The following KIF17 variants were observed in gnomAD, a reference collection of about 807,000 sequenced individuals.
The protein encoded by KIF17 is kinesin-like protein KIF17.
In KIF17, 80 loss-of-function variants were observed where a neutral mutation model predicts 96.8. The observed-to-expected ratio is 0.83, with a 90% CI of 0.69 to 1.00. KIF17 has a LOEUF of 1.00. KIF17 is among the 50% of genes least tolerant of loss of function. The probability of loss-of-function intolerance (pLI) is 0.00; values close to 1 mark genes in which losing one functional copy is unlikely to be tolerated. For missense variants in KIF17, 1,280 were observed against 1,372.9 expected, an observed-to-expected ratio of 0.93 and a Z score of 1.07; for synonymous variants, 567 against 587.5, an observed-to-expected ratio of 0.97 and a Z score of 0.51.
At chr1:20,675,513 A>G (rs1018835817) in intron 11 of KIF17, among the ~76,000 whole-genome samples, 1 of 152,016 alleles carries the variant, frequency 6.6e-6, no homozygotes, top group Non-Finnish European at 1.5e-5. Flanking sequence ...GCTCATTTGT[A>G]TTCCTTTGAT....
chr1:20,664,500 G>A lies in KIF17; in HGVS notation c.*84C>T, dbSNP rs1557577274. On this transcript the variant is annotated 3_prime_UTR_variant, in exon 15 of 15. Transcript: ENST00000400463. The stretch of plus-strand genomic sequence containing the variant: ...GGCCCCGGAGCGCTGTGTGGCAGGT[G>A]GGAGGAGACCTGGTTGGGGCTGCCC... 6 of 1,610,818 alleles carry A rather than the reference G, an allele frequency of 3.7e-6. No homozygotes were observed. Among genetic ancestry groups the A allele is most frequent in the Admixed American group, 3.3e-5 (2 of 59,920 alleles).
intron 13 of KIF17, among the ~76,000 whole-genome samples, chr1:20,669,236 T>C (rs2053591559): frequency 6.6e-6 from 1 of 152,002 alleles, no homozygotes; most frequent in South Asian, 2.1e-4. Context: ...TGGAAGAGTT[T>C]CGTTGAAAAC....
At chr1:20,712,851 ATATTATCTATATTATAGATAT>A (rs2054492780) in intron 3 of KIF17, among the ~76,000 whole-genome samples, 1 of 9,670 alleles carries the variant, frequency 1.0e-4, no homozygotes, top group South Asian at 3.5e-3. Flanking sequence ...GATATAGATA[ATATTATCTATATTATAGATAT>A]TATCTATATA....
chr1:20,672,180 A>T lies in KIF17; in HGVS notation c.2480T>A (p.Val827Glu), dbSNP rs769169857. 3 of 1,613,950 alleles carry T rather than the reference A, an allele frequency of 1.9e-6. No homozygotes were observed. Among genetic ancestry groups the T allele is most frequent in the Non-Finnish European group, 2.5e-6 (3 of 1,180,036 alleles). The change falls in exon 12 of 15, where the codon GTG becomes GAG. Residue 827 changes from valine to glutamate, a missense_variant. By Grantham distance (121) the Val-to-Glu change is moderately radical. Coordinates refer to ENST00000400463, the MANE Select transcript of KIF17 (RefSeq NM_001122819.3). The surrounding 1 kb of genome is among the most constrained non-coding windows in gnomAD (Gnocchi z 4.3). ...CTCGGACTGCAGATCTTTGATCTCC[A>T]CCTCTGCTGCCCGAAGCTGAAAGCA... ...KMQRKLRAAEVEIKDLQSEFQ... is the reference protein window; with the variant it reads ...KMQRKLRAAEEEIKDLQSEFQ...
rs2053486099 is a variant in KIF17 at position 20,664,344 on chromosome 1, G to A, written c.*240C>T. Reference sequence around the variant, plus strand: ...GTGAGCAGACGGAAACACTGATGTGGTATGAACAGCTGGAGCAGGCCTCTC... The same window carrying A: ...GTGAGCAGACGGAAACACTGATGTGATATGAACAGCTGGAGCAGGCCTCTC... On this transcript the variant is annotated 3_prime_UTR_variant, in exon 15 of 15. Coordinates refer to ENST00000400463, the MANE Select transcript of KIF17 (RefSeq NM_001122819.3). The A allele has an allele frequency of 3.5e-6, 5 of 1,421,034 alleles. No individual in the cohort carries two copies. Among genetic ancestry groups the A allele is most frequent in the Middle Eastern group, 2.6e-4 (1 of 3,824 alleles). The allele number at this position is 1,421,034 out of a possible 1,614,324, so 88.0% of individuals were successfully genotyped here. A position where few individuals can be genotyped will look rare whatever the true frequency, so the allele number is the denominator to read the frequency against.
intron 13 of KIF17, among the ~76,000 whole-genome samples, chr1:20,668,125 A>G (rs1181615059): frequency 1.3e-5 from 2 of 152,116 alleles, no homozygotes; most frequent in African/African-American, 4.8e-5. Flanking sequence ...CCTGGCTAAC[A>G]TGGTGAAACC....
rs1430238795 is a variant in KIF17, at chr1:20,666,242, G to C, written c.2880C>G (p.Ile960Met). 1.2e-6 allele frequency: 2 copies of C among 1,613,962 alleles called. No individual in the cohort carries two copies. The highest frequency in any genetic ancestry group is 2.2e-5 in the South Asian group (2 of 91,090). Residue 960 changes from isoleucine to methionine, a missense_variant, in exon 14 of 15, where the codon ATC (isoleucine) becomes ATG (methionine). Physicochemically the swap from Ile to Met is conservative, Grantham distance 10 (BLOSUM62 1). Coordinates refer to ENST00000400463, the MANE Select transcript of KIF17 (RefSeq NM_001122819.3). ...GGCTCTTCCTGGCGTCTGTGCTGAG[G>C]ATCTGGCTGGCCCGCTTAGATCGGA... ...NYFRSKRASQ[I>M]LSTDARKSLT...
chr1:20,676,931 C>T (rs1169326500), intron 11 of KIF17, among the ~76,000 whole-genome samples: 1 of 152,142 alleles, frequency 6.6e-6, no homozygotes, highest in East Asian at 1.9e-4. Flanking sequence ...GTTTTAGGGG[C>T]TGTATGCAGT....
intron 8 of KIF17, among the ~76,000 whole-genome samples, chr1:20,686,990 A>AC (rs916520578): frequency 4.0e-5 from 6 of 150,684 alleles, no homozygotes; most frequent in Non-Finnish European, 5.9e-5. Context: ...ATTCCCACAG[A>AC]CCCCCCACCC....
intron 11 of KIF17, among the ~76,000 whole-genome samples, chr1:20,682,084 T>C (rs978108877): frequency 2.6e-5 from 4 of 152,076 alleles, no homozygotes; most frequent in Non-Finnish European, 4.4e-5. Context: ...TCTCCTGTGT[T>C]ATTTCTTACA....
At chr1:20,691,395 C>T (rs2054036635) in intron 6 of KIF17, among the ~76,000 whole-genome samples, 1 of 152,102 alleles carries the variant, frequency 6.6e-6, no homozygotes, top group Non-Finnish European at 1.5e-5. Flanking sequence ...GATCCTCCCA[C>T]CCCAGCCTCC....
chr1:20,664,827 A>G (rs1007304519), intron 14 of KIF17, 65 bp from the exon 15 acceptor site: 39 of 1,475,538 alleles, frequency 2.6e-5, no homozygotes, highest in Non-Finnish European at 3.4e-5. Flanking sequence ...AAATGCCCCA[A>G]GTGGGTAGGA....
In KIF17 at chr1:20,709,553, C is replaced by G. The variant is rs1478470694; in HGVS notation, c.670+86G>C. 3.4e-6 allele frequency: 5 copies of G among 1,477,064 alleles called. No individual in the cohort carries two copies. The highest frequency in any genetic ancestry group is 1.7e-5 in the Admixed American group (1 of 59,294). The allele number at this position is 1,477,064 out of a possible 1,614,324, so 91.5% of individuals were successfully genotyped here. A position where few individuals can be genotyped will look rare whatever the true frequency, so the allele number is the denominator to read the frequency against. On this transcript the variant is annotated intron_variant, in intron 4 of 14. Coordinates refer to ENST00000400463, the MANE Select transcript of KIF17 (RefSeq NM_001122819.3). This position sits in a 1 kb window ranked among gnomAD's most constrained non-coding sequence, Gnocchi z 4.7. ...CATCTCTTCCCACTTTCCAGGGGCT[C>G]CTGCGGCCCCGAGAGGTGGCGTGCC...
intron 4 of KIF17, among the ~76,000 whole-genome samples, chr1:20,707,787 A>ATGTGTCTG (rs2054367580): frequency 8.0e-6 from 1 of 124,568 alleles, no homozygotes; most frequent in Non-Finnish European, 1.6e-5. Context: ...ACCAATGTGT[A>ATGTGTCTG]TGTGTGTGTG....
At chr1:20,663,987 AC>A, downstream of KIF17, 1 of 160,660 alleles carries the variant, frequency 6.2e-6, no homozygotes, top group Middle Eastern at 3.4e-3. Flanking sequence ...CCCAAGTGAC[AC>A]TGTCAGAGGG....
At chr1:20,710,246 G>A (rs577997443) in intron 3 of KIF17, among the ~76,000 whole-genome samples, 168 of 152,314 alleles carry the variant, frequency 1.1e-3, no homozygotes, top group African/African-American at 3.8e-3. Flanking sequence ...TTCCTTTAGG[G>A]AGCTTCAGAT....
In KIF17 at chr1:20,717,580, C is replaced by G; in HGVS notation, c.127G>C (p.Gly43Arg). The G allele has an allele frequency of 6.2e-7, 1 of 1,611,676 alleles. No individual in the cohort carries two copies. Among genetic ancestry groups the G allele is most frequent in the Non-Finnish European group, 8.5e-7 (1 of 1,179,626 alleles). ...TGCTTGGGCGGCTCGTCGGCGGCGC[C>G]CGGGTTCTGGATGCAGCACTGGGCG... is the stretch of plus-strand genomic sequence containing the variant. ...ARAQCCIQNP[G>R]AADEPPKQFT... Residue 43 changes from glycine (G) to arginine (R), a missense_variant, in exon 1 of 15, where the codon GGC becomes CGC. Gly to Arg is a moderately radical substitution (Grantham distance 125). Transcript: ENST00000400463.
intron 14 of KIF17, among the ~76,000 whole-genome samples, 171 bp from the exon 15 acceptor site, chr1:20,664,933 G>A (rs1279783686): frequency 1.3e-5 from 2 of 152,176 alleles, no homozygotes; most frequent in Non-Finnish European, 2.9e-5. Context: ...TGCTCTGGCT[G>A]AGGTCTCAGA....
At chr1:20,691,500 T>C (rs1358169431) in intron 6 of KIF17, among the ~76,000 whole-genome samples, 2 of 150,002 alleles carry the variant, frequency 1.3e-5, no homozygotes, top group Non-Finnish European at 3.0e-5. Flanking sequence ...GTTGCCCAGG[T>C]TGGAGTGCAA....
Sources: allele counts gnomAD v4.1 joint callset (sites outside exome capture counted in the v4.1 genomes callset), GRCh38; gene constraint gnomAD v4.1.1; non-coding constraint Gnocchi (gnomAD v3.1); transcripts MANE v1.5; gene names NCBI Gene and HGNC (gene_info 2026-07-23, HGNC 2026-07-21).